Variants in ERMN observed in about 807,000 individuals in gnomAD.
The protein encoded by ERMN is ermin.
In ERMN, 17 loss-of-function variants were observed where a neutral mutation model predicts 21.4. The observed-to-expected ratio is 0.80, with a 90% CI of 0.54 to 1.19. ERMN has a LOEUF of 1.19. Ranked by LOEUF, ERMN falls within the 50% of genes most tolerant of loss-of-function variation. The pLI is 0.00. For synonymous variants in ERMN, 115 were observed against 111.9 expected (o/e 1.03, Z -0.17); for missense variants, 348 against 331.6 (o/e 1.05, Z -0.38).
At chr2:157,322,469 G>T (rs1288687000) in intron 2 of ERMN, among the ~76,000 whole-genome samples, 2 of 152,134 alleles carry the variant, frequency 1.3e-5, no homozygotes, top group Non-Finnish European at 2.9e-5. Context: ...GCCCTGCAAG[G>T]CTTCTGTGGG....
rs1574049264 is a variant in ERMN, at chr2:157,325,114, A to T, written c.241+288T>A. 8.8e-6 allele frequency: 5 copies of T among 568,124 alleles called. No homozygotes were observed. The Admixed American group carries it at 9.3e-5, about 11-fold the overall frequency. 35.2% of individuals were successfully genotyped at this position (568,124 alleles called of 1,614,324 possible). On this transcript the variant is annotated intron_variant, in intron 1 of 2. Coordinates refer to ENST00000410096, the MANE Select transcript of ERMN (RefSeq NM_020711.3). ...AATCATAATAAATACAGTAGTTAAC[A>T]TTTAGCCAATACTTACCCTAGACTT...
rs147906348 is a variant in ERMN at position 157,321,578 on chromosome 2, T to C, written c.548A>G (p.Asp183Gly). Residue 183 changes from aspartate (D) to glycine (G), a missense_variant, in exon 3 of 3, where the codon GAT becomes GGT. By Grantham distance (94) the Asp-to-Gly change is moderately conservative (BLOSUM62 -1). Transcript: ENST00000410096. ...ATCATCATCATCATCAATTTCTTCA[T>C]CCCAAACCTTCTGCTCCTCATCATG... ...SKHDEEQKVW[D>G]EEIDDDDDDN... is the part of the protein sequence containing the mutation. The C allele has an allele frequency of 6.2e-7, 1 of 1,614,096 alleles. No individual in the cohort carries two copies. The highest frequency in any genetic ancestry group is 8.5e-7 in the Non-Finnish European group (1 of 1,179,994).
intron 1 of ERMN, 123 bp downstream of exon 1, chr2:157,325,279 G>A (rs192765056): frequency 5.6e-5 from 71 of 1,259,534 alleles, no homozygotes; most frequent in African/African-American, 2.8e-4. Flanking sequence ...TATACTATGC[G>A]TAGTAGAATA....
chr2:157,323,746 GAA>G (rs2105188552), intron 2 of ERMN, among the ~76,000 whole-genome samples: 1 of 151,302 alleles, frequency 6.6e-6, no homozygotes, highest in South Asian at 2.1e-4. Context: ...AGGTGTCTTA[GAA>G]AAATCTAAAG....
At position 157,320,653 on chromosome 2, in the gene ERMN, A is replaced by G. The variant is rs1342355194; in HGVS notation, c.*618T>C. 1 of 152,350 alleles carries G rather than the reference A, an allele frequency of 6.6e-6. No individual in the cohort carries two copies. The highest frequency in any genetic ancestry group is 2.4e-5 in the African/African-American group (1 of 41,452). 9.4% of individuals were successfully genotyped at this position (152,350 alleles called of 1,614,324 possible). A position where few individuals can be genotyped will look rare whatever the true frequency, so the allele number is the denominator to read the frequency against. Reference sequence around the variant, plus strand: ...GCAAACAGAATTATCCTGACTGACAATTGCTCATCTCCCTCTGAGAGAAGA... The same window carrying G: ...GCAAACAGAATTATCCTGACTGACAGTTGCTCATCTCCCTCTGAGAGAAGA... On this transcript the variant is annotated 3_prime_UTR_variant, in exon 3 of 3. Coordinates refer to ENST00000410096, the MANE Select transcript of ERMN (RefSeq NM_020711.3).
At position 157,321,001 on chromosome 2, in the gene ERMN, G is replaced by A. The variant is rs565128057; in HGVS notation, c.*270C>T. ...CGAATTATGCCAGATTCCCCCAGGG[G>A]ACTGACTGCTTAGTGCTTATCACAC... On this transcript the variant is annotated 3_prime_UTR_variant, in exon 3 of 3. Coordinates refer to ENST00000410096, the MANE Select transcript of ERMN (RefSeq NM_020711.3). 2 of 365,128 alleles carry A rather than the reference G, an allele frequency of 5.5e-6. No individual in the cohort carries two copies. The highest frequency in any genetic ancestry group is 4.2e-5 in the African/African-American group (2 of 47,776). 22.6% of individuals were successfully genotyped at this position (365,128 alleles called of 1,614,324 possible).
In ERMN at chr2:157,321,257, C is replaced by A; in HGVS notation, c.*14G>T. ...TCCTTTAGTGGGCATGAGAATTTCT[C>A]AGTTCCAGTTAGTTTATAAATGCAT... On this transcript the variant is annotated 3_prime_UTR_variant, in exon 3 of 3. Coordinates refer to ENST00000410096, the MANE Select transcript of ERMN (RefSeq NM_020711.3). The A allele has an allele frequency of 6.2e-7, 1 of 1,601,526 alleles. No individual in the cohort carries two copies. The highest frequency in any genetic ancestry group is 1.1e-5 in the South Asian group (1 of 89,848).
chr2:157,324,595 G>T, intron 2 of ERMN, 75 bp downstream of exon 2: 2 of 1,203,326 alleles, frequency 1.7e-6, no homozygotes, highest in Non-Finnish European at 2.4e-6. Context: ...CCACGCTCAT[G>T]CAACATTTCA....
Position 157,321,549 on chromosome 2 carries a change from T to TATCATC in ERMN, c.571_576dup (p.Asp191_Asp192dup), listed in dbSNP as rs750466305. 2 of 1,612,830 alleles carry TATCATC rather than the reference T, an allele frequency of 1.2e-6. No individual in the cohort carries two copies. Among genetic ancestry groups the TATCATC allele is most frequent in the Non-Finnish European group, 1.7e-6 (2 of 1,179,070 alleles). ...ACTTCATCTTCATCATTATTGCAAT[T>TATCATC]ATCATCATCATCATCATCAATTTCT... is the stretch of plus-strand genomic sequence containing the variant. On this transcript the variant is annotated inframe_insertion, in exon 3 of 3. Transcript: ENST00000410096.
chr2:157,322,663 T>A lies in ERMN; in HGVS notation c.335-872A>T, dbSNP rs563941453. 2.6e-5 allele frequency among the ~76,000 whole-genome samples: 4 copies of A among 152,364 alleles called. 1 individual carries two copies. In the South Asian group the frequency reaches 8.3e-4, roughly 32 times the overall value. On this transcript the variant is annotated intron_variant, in intron 2 of 2. Transcript: ENST00000410096. The stretch of plus-strand genomic sequence containing the variant: ...TCCGAAAGATGTTCACAATTCCATT[T>A]TCATCCAAGGTGTTCAGTTCTCTTA...
In ERMN at chr2:157,324,739, TAAAG is replaced by T; in HGVS notation, c.261_264del (p.Phe88LeufsTer19). 2 of 1,611,424 alleles carry T rather than the reference TAAAG, an allele frequency of 1.2e-6. No homozygotes were observed. The highest frequency in any genetic ancestry group is 1.7e-6 in the Non-Finnish European group (2 of 1,179,002). On this transcript the variant is annotated frameshift_variant, in exon 2 of 3. Transcript: ENST00000410096. LOFTEE classifies it high-confidence loss of function. ...AGATCTGTGATAGCCTTATGAACAA[TAAAG>T]AGTTTCTCTTCTGGGTTTTCTAGGA...
At chr2:157,327,230 T>G (rs1448163459), upstream of ERMN, 10 of 436,972 alleles carry the variant, frequency 2.3e-5, no homozygotes, top group African/African-American at 2.0e-4. Context: ...TGTCTAGGGC[T>G]GAGCCCATTC....
upstream of ERMN, chr2:157,327,346 C>T: frequency 1.5e-6 from 1 of 672,230 alleles, no homozygotes; most frequent in Non-Finnish European, 2.7e-6. Flanking sequence ...TCATCACCAG[C>T]TGTTCTCTAG....
In ERMN at chr2:157,320,056, G is replaced by T. The variant is rs573904977; in HGVS notation, c.*1215C>A. 6.6e-6 allele frequency: 1 copy of T among 152,258 alleles called. No individual in the cohort carries two copies. The highest frequency in any genetic ancestry group is 1.5e-5 in the Non-Finnish European group (1 of 68,000). The allele number at this position is 152,258 out of a possible 1,614,324, so 9.4% of individuals were successfully genotyped here. On this transcript the variant is annotated 3_prime_UTR_variant, in exon 3 of 3. Coordinates refer to ENST00000410096, the MANE Select transcript of ERMN (RefSeq NM_020711.3). ...AAATCTTTATCTGTGGTGATAGAAAGTTCAGGGTAATATATATGGAAGCAT... is the reference window on the plus strand; with the variant it reads ...AAATCTTTATCTGTGGTGATAGAAATTTCAGGGTAATATATATGGAAGCAT...
chr2:157,321,490 C>T lies in ERMN; in HGVS notation c.636G>A (p.Glu212=). The change falls in exon 3 of 3, where the codon GAG becomes GAA. Residue 212 remains glutamate, a synonymous_variant. Transcript: ENST00000410096. ...RVIEFKKKHE[E]VSQFKEEGDA... ...CACCTTCCTCTTTAAATTGAGAAACCTCTTCATGTTTTTTCTTAAATTCTA... is the reference window on the plus strand; with the variant it reads ...CACCTTCCTCTTTAAATTGAGAAACTTCTTCATGTTTTTTCTTAAATTCTA... 3 of 1,613,980 alleles carry T rather than the reference C, an allele frequency of 1.9e-6. No homozygotes were observed. The highest frequency in any genetic ancestry group is 2.2e-5 in the South Asian group (2 of 91,070).
In ERMN at chr2:157,321,763, A is replaced by G. The variant is rs200919525; in HGVS notation, c.363T>C (p.Ser121=). ...GTCTTCTTATTTCCTGGTTACTGCC[A>G]CTCAGAGGAATCTTCTCCCACTGAT... is the stretch of plus-strand genomic sequence containing the variant. ...EGHQWEKIPL[S]GSNQEIRRQK... The change falls in exon 3 of 3, where the codon AGT becomes AGC. Residue 121 remains serine (S), a synonymous_variant. Transcript: ENST00000410096. 214 of 1,611,210 alleles carry G rather than the reference A, an allele frequency of 1.3e-4. 2 individuals are homozygous for G. The Admixed American group carries it at 3.5e-3, about 27-fold the overall frequency.
At position 157,321,651 on chromosome 2, in the gene ERMN, A is replaced by G. The variant is rs926028768; in HGVS notation, c.475T>C (p.Trp159Arg). The G allele has an allele frequency of 1.1e-5, 17 of 1,614,002 alleles. No individual in the cohort carries two copies. In the East Asian group the frequency reaches 1.1e-4, roughly 11 times the overall value. ...TGGCTAGGTTTTCGAAATCCCAGCC[A>G]TTCAATTTCAGCTGCCTGGTGACCT... ...NKGHQAAEIE[W>R]LGFRKPSQAD... The change falls in exon 3 of 3, where the codon TGG (tryptophan) becomes CGG (arginine). Residue 159 changes from tryptophan to arginine, a missense_variant. By Grantham distance (101) the Trp-to-Arg change is moderately radical (BLOSUM62 -3). Coordinates refer to ENST00000410096, the MANE Select transcript of ERMN (RefSeq NM_020711.3).
chr2:157,325,802 C>T lies in ERMN; in HGVS notation c.-160G>A. The T allele has an allele frequency of 2.0e-6, 3 of 1,484,922 alleles. No individual in the cohort carries two copies. The highest frequency in any genetic ancestry group is 2.7e-6 in the Non-Finnish European group (3 of 1,122,002). The allele number at this position is 1,484,922 out of a possible 1,614,324, so 92.0% of individuals were successfully genotyped here. A position where few individuals can be genotyped will look rare whatever the true frequency, so the allele number is the denominator to read the frequency against. ...AGTACATAATAACAAGGTTCTTTTC[C>T]TAAAAGTATCCAGACAGAGATTAGA... On this transcript the variant is annotated 5_prime_UTR_variant, in exon 1 of 3. Transcript: ENST00000410096.
intron 2 of ERMN, among the ~76,000 whole-genome samples, chr2:157,322,475 G>A (rs142730451): frequency 1.4e-3 from 218 of 152,318 alleles, no homozygotes; most frequent in Non-Finnish European, 2.8e-3. Context: ...CAAGGCTTCT[G>A]TGGGAAGTTT....
Sources: gnomAD v4.1 joint callset for allele counts (sites outside exome capture counted in the v4.1 genomes callset) on GRCh38, gnomAD v4.1.1 for gene constraint, MANE v1.5 for transcripts, NCBI Gene and HGNC (gene_info 2026-07-23, HGNC 2026-07-21) for gene names.